Variants in CXADR observed in about 807,000 individuals in gnomAD.
CXADR encodes the protein CXADR cell adhesion molecule.
A neutral mutation model predicts 40.3 loss-of-function variants in CXADR; 20 were observed. That is an observed-to-expected ratio of 0.50 (90% confidence interval 0.35 to 0.72). The LOEUF (loss-of-function observed/expected upper bound fraction) is 0.72. Among genes scored for constraint, CXADR ranks in the 30% least tolerant of loss-of-function variants. The pLI, the probability that CXADR is intolerant of heterozygous loss-of-function variation, is 0.01. For missense variants in CXADR, 332 were observed against 449.1 expected, an observed-to-expected ratio of 0.74 and a Z score of 2.36; for synonymous variants, 150 against 161.3, an observed-to-expected ratio of 0.93 and a Z score of 0.53.
the CXADR span, among the ~76,000 whole-genome samples, chr21:17,606,224 A>G: frequency 1.3e-5 from 2 of 152,128 alleles, no homozygotes; most frequent in African/African-American, 4.8e-5. Context: ...CAGCATAAAG[A>G]AAAAAGGAGG....
At chr21:17,626,456 T>C in the CXADR span, among the ~76,000 whole-genome samples, 1 of 152,142 alleles carries the variant, frequency 6.6e-6, no homozygotes, top group Non-Finnish European at 1.5e-5. Context: ...GATGGGAGAC[T>C]TGGGAATCAA....
chr21:17,619,630 C>T, the CXADR span, among the ~76,000 whole-genome samples: 1 of 151,114 alleles, frequency 6.6e-6, no homozygotes, highest in African/African-American at 2.4e-5. Context: ...TCAGGCTATA[C>T]TTTGAAGATC....
At chr21:17,597,696 C>T (rs1229158317), downstream of CXADR, among the ~76,000 whole-genome samples, 7 of 149,982 alleles carry the variant, frequency 4.7e-5, no homozygotes, top group South Asian at 1.1e-3. Context: ...AAATAATCTT[C>T]CCCTAAAGTC....
intron 7 of CXADR, among the ~76,000 whole-genome samples, chr21:17,580,713 ACTGG>A (rs964086117): frequency 6.6e-6 from 1 of 152,138 alleles, no homozygotes; most frequent in African/African-American, 2.4e-5. Flanking sequence ...CTATCCTTAT[ACTGG>A]CATATACATG....
intron 7 of CXADR, among the ~76,000 whole-genome samples, chr21:17,590,098 T>G (rs1371244617): frequency 6.6e-6 from 1 of 152,002 alleles, no homozygotes; most frequent in African/African-American, 2.4e-5. Flanking sequence ...TACACACAAA[T>G]AAACATTTTT....
downstream of CXADR, chr21:17,593,804 A>C (rs1032376921): frequency 3.1e-6 from 1 of 325,246 alleles, no homozygotes; most frequent in African/African-American, 2.2e-5. Context: ...GTCCACTTCT[A>C]CAGTGTTCTC....
rs370447114 is a variant in CXADR, at chr21:17,515,772, T to C, written c.43+2600T>C. 1.5e-3 allele frequency among the ~76,000 whole-genome samples: 227 copies of C among 150,322 alleles called. 1 individual carries two copies. The highest frequency in any genetic ancestry group is 5.0e-3 in the African/African-American group (205 of 40,896). Reference sequence around the variant, plus strand: ...AGTGAGCCCACATCGCGCCACTGCATTCCAGCCTGGGCGACAGAGCTAGAC... The same window carrying C: ...AGTGAGCCCACATCGCGCCACTGCACTCCAGCCTGGGCGACAGAGCTAGAC... On this transcript the variant is annotated intron_variant, in intron 1 of 6. Coordinates refer to ENST00000284878, the MANE Select transcript of CXADR (RefSeq NM_001338.5).
intron 7 of CXADR, among the ~76,000 whole-genome samples, chr21:17,587,616 A>G (rs2061407007): frequency 6.6e-6 from 1 of 152,066 alleles, no homozygotes; most frequent in African/African-American, 2.4e-5. Flanking sequence ...GTTGGAGTTC[A>G]TTGTAGATTC....
chr21:17,569,901 C>T lies in CXADR; in HGVS notation c.*4209C>T. The stretch of plus-strand genomic sequence containing the variant: ...TTTAGTGATAAATACACCTGTACTA[C>T]TGAGGAAAATATTCTGACACTTCAC... On this transcript the variant is annotated 3_prime_UTR_variant, in exon 7 of 7. Coordinates refer to ENST00000284878, the MANE Select transcript of CXADR (RefSeq NM_001338.5). 1.0e-6 allele frequency: 1 copy of T among 985,320 alleles called. No individual in the cohort carries two copies. Among genetic ancestry groups the T allele is most frequent in the Non-Finnish European group, 1.2e-6 (1 of 829,882 alleles). 61.0% of individuals were successfully genotyped at this position (985,320 alleles called of 1,614,324 possible).
intron 1 of CXADR, among the ~76,000 whole-genome samples, chr21:17,528,228 C>T (rs905587969): frequency 6.6e-6 from 1 of 151,842 alleles, no homozygotes; most frequent in Admixed American, 6.6e-5. Context: ...TGCCTGCCAC[C>T]TCACCCAGCT....
chr21:17,588,171 G>T (rs181297414), intron 7 of CXADR, among the ~76,000 whole-genome samples: 10 of 152,282 alleles, frequency 6.6e-5, no homozygotes, highest in Admixed American at 6.5e-4. Flanking sequence ...GTAGTGTGAT[G>T]CCTCCAGCTT....
downstream of CXADR, among the ~76,000 whole-genome samples, chr21:17,575,040 CATACATACATAA>C (rs1168131986): frequency 0.015 from 2,182 of 150,192 alleles, 61 homozygotes; most frequent in African/African-American, 0.041. Context: ...TACATACATA[CATACATACATAA>C]GGGTTGATAT....
intron 3 of CXADR, among the ~76,000 whole-genome samples, chr21:17,554,764 A>T (rs1308287943): frequency 6.6e-6 from 1 of 152,222 alleles, no homozygotes; most frequent in Non-Finnish European, 1.5e-5. Flanking sequence ...GCAAAAGATA[A>T]GATGAAGTGC....
Position 17,592,408 on chromosome 21 carries a change from ATT to A in CXADR, c.1018-740_1018-739del, listed in dbSNP as rs2061445855. ...ATATTTTAAAATTTGTATTTTTTTA[ATT>A]TTTGAGTATTTTCCATACATGGTTA... On this transcript the variant is annotated intron_variant, in intron 7 of 7. Coordinates refer to the CXADR transcript ENST00000400169. 2.0e-5 allele frequency among the ~76,000 whole-genome samples: 3 copies of A among 151,744 alleles called. No individual in the cohort carries two copies. The South Asian group carries it at 6.2e-4, about 32-fold the overall frequency.
intron 1 of CXADR, chr21:17,542,128 G>T: frequency 4.2e-6 from 1 of 235,430 alleles, no homozygotes; most frequent in Non-Finnish European, 8.6e-6. Flanking sequence ...TTTTCTCTAA[G>T]GCTTTCCTCA....
At chr21:17,562,063 C>G (rs2061130378) in intron 6 of CXADR, among the ~76,000 whole-genome samples, 1 of 152,056 alleles carries the variant, frequency 6.6e-6, no homozygotes, top group East Asian at 1.9e-4. Context: ...TTTTGTTTTT[C>G]CAGTGCATAA....
downstream of CXADR, among the ~76,000 whole-genome samples, chr21:17,597,200 A>G (rs992879489): frequency 1.5e-4 from 23 of 152,092 alleles, no homozygotes; most frequent in Non-Finnish European, 4.4e-5. Flanking sequence ...ATGCAATTTA[A>G]TTTTAAAAGA....
intron 2 of CXADR, among the ~76,000 whole-genome samples, chr21:17,549,278 T>C (rs903498461): frequency 2.0e-5 from 3 of 152,220 alleles, no homozygotes; most frequent in African/African-American, 7.2e-5. Flanking sequence ...CCTCTGACTC[T>C]CACAGCTGCT....
chr21:17,529,921 T>A (rs932714514), intron 1 of CXADR, among the ~76,000 whole-genome samples: 4 of 151,516 alleles, frequency 2.6e-5, no homozygotes, highest in African/African-American at 9.7e-5. Flanking sequence ...TTCCAGTCCC[T>A]TCCTTTACTA....
Sources: gnomAD v4.1 joint callset for allele counts (sites outside exome capture counted in the v4.1 genomes callset) on GRCh38, gnomAD v4.1.1 for gene constraint, MANE v1.5 for transcripts, NCBI Gene and HGNC (gene_info 2026-07-23, HGNC 2026-07-21) for gene names.